Variants in PCDHGA7 observed in about 807,000 individuals in gnomAD.
PCDHGA7 encodes protocadherin gamma-A7.
Under a neutral mutation model 58.3 loss-of-function variants are expected in PCDHGA7, and 44 were observed. The ratio of observed to expected loss-of-function variants is 0.75; its 90% CI spans 0.59 to 0.97. PCDHGA7 has a LOEUF of 0.97. Ranked by LOEUF, PCDHGA7 falls within the 50% of genes least tolerant of loss-of-function variation. The pLI, the probability that PCDHGA7 is intolerant of heterozygous loss-of-function variation, is 0.00. For missense variants in PCDHGA7, 1,266 were observed against 1,188.7 expected, an observed-to-expected ratio of 1.06 and a Z score of -0.96; for synonymous variants, 516 against 504.2, an observed-to-expected ratio of 1.02 and a Z score of -0.31.
rs144203659 is a variant in PCDHGA7, at chr5:141,431,011, G to A, written c.2424+45688G>A. The A allele has an allele frequency of 1.5e-5, 24 of 1,613,168 alleles. No individual in the cohort carries two copies. The highest frequency in any genetic ancestry group is 1.7e-5 in the Non-Finnish European group (20 of 1,179,310). ...CCCTGAATCCGCGCAGCGGCAGCTTGGTCACGGCGGGCAGGATAGACCGGG... is the reference window on the plus strand; with the variant it reads ...CCCTGAATCCGCGCAGCGGCAGCTTAGTCACGGCGGGCAGGATAGACCGGG... On this transcript the variant is annotated intron_variant, in intron 1 of 3. Transcript: ENST00000518325. This position sits in a 1 kb window ranked among gnomAD's most constrained non-coding sequence, Gnocchi z 4.8.
chr5:141,475,741 G>C (rs1455125695), intron 1 of PCDHGA7, among the ~76,000 whole-genome samples: 1 of 152,268 alleles, frequency 6.6e-6, no homozygotes, highest in Non-Finnish European at 1.5e-5. Flanking sequence ...CCCTAAGGTA[G>C]GTTTCCTATG....
intron 1 of PCDHGA7, chr5:141,413,223 G>C (rs1454395834): frequency 6.2e-7 from 1 of 1,613,694 alleles, no homozygotes; most frequent in African/African-American, 1.3e-5. Flanking sequence ...ATTGCAGCGG[G>C]CTGGTCCTGC....
Position 141,409,702 on chromosome 5 carries a change from G to A in PCDHGA7, c.2424+24379G>A, listed in dbSNP as rs545411022. The A allele has an allele frequency of 2.0e-5, 32 of 1,613,226 alleles. No homozygotes were observed. In the South Asian group the frequency reaches 3.0e-4, roughly 15 times the overall value. On this transcript the variant is annotated intron_variant, in intron 1 of 3. Transcript: ENST00000518325. ...TGGCGAGTGACCTAGAGCCCCTGGC[G>A]GTGTCGTCATACGTGTCAGTGAGCG...
At chr5:141,448,999 GT>G (rs910018882) in intron 1 of PCDHGA7, among the ~76,000 whole-genome samples, 2 of 151,816 alleles carry the variant, frequency 1.3e-5, no homozygotes, top group African/African-American at 4.8e-5. Context: ...ATAGAAAGCT[GT>G]TTTTTTTAAC....
At chr5:141,399,464 C>G in intron 1 of PCDHGA7, 1 of 1,614,018 alleles carries the variant, frequency 6.2e-7, no homozygotes, top group Non-Finnish European at 8.5e-7. Flanking sequence ...GATAACGCTC[C>G]GGTTTTCCAC....
chr5:141,388,628 G>A (rs752578230), intron 1 of PCDHGA7: 2 of 1,613,898 alleles, frequency 1.2e-6, no homozygotes. Flanking sequence ...ACGTATACAG[G>A]GTGAGCCTTT....
chr5:141,417,518 G>C (rs193231266), intron 1 of PCDHGA7: 8 of 257,454 alleles, frequency 3.1e-5, no homozygotes, highest in Non-Finnish European at 5.1e-5. Context: ...TATTTTGGCT[G>C]TCAACTCGTA....
intron 1 of PCDHGA7, among the ~76,000 whole-genome samples, chr5:141,460,912 G>GTGTATA (rs145509489): frequency 0.032 from 4,842 of 149,286 alleles, 90 homozygotes; most frequent in Middle Eastern, 0.083. Flanking sequence ...ATTCCATGGT[G>GTGTATA]TATATATATA....
At chr5:141,418,830 G>T (rs371820904) in intron 1 of PCDHGA7, 44 of 1,613,858 alleles carry the variant, frequency 2.7e-5, no homozygotes, top group Non-Finnish European at 3.6e-5. Flanking sequence ...GCAAAAGACC[G>T]AGGATCTCTC....
chr5:141,394,640 C>T (rs1316258017), intron 1 of PCDHGA7: 2 of 1,613,310 alleles, frequency 1.2e-6, no homozygotes, highest in Non-Finnish European at 1.7e-6. Flanking sequence ...ACCGCCTGCT[C>T]AAGGCCAGCG....
rs1781077881 is a variant in PCDHGA7, at chr5:141,385,279, T to C, written c.2380T>C (p.Ser794Pro). Residue 794 changes from serine to proline, a missense_variant, in exon 1 of 4, where the codon TCC becomes CCC. Transcript: ENST00000518325. ...SCEKNDSLLT[S>P]VDFQECKENL... ...TGAGAAAAATGATTCTTTGCTAACA[T>C]CCGTAGATTTTCAGGAATGTAAAGA... 2 of 1,613,486 alleles carry C rather than the reference T, an allele frequency of 1.2e-6. No homozygotes were observed. Among genetic ancestry groups the C allele is most frequent in the African/African-American group, 2.7e-5 (2 of 75,038 alleles).
intron 1 of PCDHGA7, chr5:141,410,390 G>A: frequency 6.2e-7 from 1 of 1,614,012 alleles, no homozygotes; most frequent in South Asian, 1.1e-5. Flanking sequence ...CTTCCATCCT[G>A]GTCTCTGTGT....
chr5:141,391,493 G>A (rs949161885), intron 1 of PCDHGA7: 1 of 151,954 alleles, frequency 6.6e-6, no homozygotes, highest in Non-Finnish European at 1.5e-5. Context: ...TCTGTTTTCA[G>A]TAGAGAAAAT....
At chr5:141,427,946 T>A (rs769401863) in intron 1 of PCDHGA7, 1 of 1,586,550 alleles carries the variant, frequency 6.3e-7, no homozygotes, top group Middle Eastern at 1.7e-4. Flanking sequence ...GCGACCTCAA[T>A]GACAATGTGC....
intron 1 of PCDHGA7, among the ~76,000 whole-genome samples, chr5:141,456,206 T>C (rs966457070): frequency 6.6e-6 from 1 of 152,098 alleles, no homozygotes; most frequent in African/African-American, 2.4e-5. Context: ...ACCACATTCC[T>C]CCCTGTGGCG....
chr5:141,490,363 C>A lies in PCDHGA7; in HGVS notation c.2425-4444C>A. The A allele has an allele frequency of 6.2e-7, 1 of 1,614,154 alleles. No individual in the cohort carries two copies. Among genetic ancestry groups the A allele is most frequent in the South Asian group, 1.1e-5 (1 of 91,078 alleles). On this transcript the variant is annotated intron_variant, in intron 1 of 3. Coordinates refer to ENST00000518325, the MANE Select transcript of PCDHGA7 (RefSeq NM_018920.4). The surrounding 1 kb of genome is among the most constrained non-coding windows in gnomAD (Gnocchi z 5.4). Reference sequence around the variant, plus strand: ...CACAGTAGTGGGGTTGTTTAATGTGCGAGACCGGGACTCAGGTAGAAATGG... The same window carrying A: ...CACAGTAGTGGGGTTGTTTAATGTGAGAGACCGGGACTCAGGTAGAAATGG...
At chr5:141,427,812 G>C (rs1380721111) in intron 1 of PCDHGA7, 1 of 1,524,406 alleles carries the variant, frequency 6.6e-7, no homozygotes, top group Non-Finnish European at 9.0e-7. Flanking sequence ...CGCACAGAGC[G>C]GGGTGGTGGT....
intron 2 of PCDHGA7, among the ~76,000 whole-genome samples, chr5:141,495,389 C>T (rs966648925): frequency 2.0e-5 from 3 of 152,204 alleles, no homozygotes; most frequent in African/African-American, 7.2e-5. Context: ...CTGGGCGGGG[C>T]ATGGAGCAGG....
At chr5:141,473,283 A>G (rs2099318531) in intron 1 of PCDHGA7, among the ~76,000 whole-genome samples, 1 of 152,324 alleles carries the variant, frequency 6.6e-6, no homozygotes, top group Non-Finnish European at 1.5e-5. Flanking sequence ...TTATTTTACT[A>G]TGTCAGTAGC....
Sources: allele counts gnomAD v4.1 joint callset (sites outside exome capture counted in the v4.1 genomes callset), GRCh38; gene constraint gnomAD v4.1.1; non-coding constraint Gnocchi (gnomAD v3.1); transcripts MANE v1.5; gene names NCBI Gene and HGNC (gene_info 2026-07-23, HGNC 2026-07-21).